Variants in GAPVD1 observed in about 807,000 individuals in gnomAD.
GAPVD1 encodes GTPase-activating protein and VPS9 domain-containing protein 1.
GAPVD1 carries 35 observed loss-of-function variants against 155.5 expected under a neutral mutation model. That is an observed-to-expected ratio of 0.23 (90% CI 0.17 to 0.30). The LOEUF (loss-of-function observed/expected upper bound fraction) is 0.30, where lower values mean the gene tolerates loss of function less well. Among genes scored for constraint, GAPVD1 ranks in the 10% least tolerant of loss-of-function variants. The probability of loss-of-function intolerance (pLI) is 1.00; values close to 1 mark genes in which losing one functional copy is unlikely to be tolerated. For missense variants in GAPVD1, 1,429 were observed against 1,775.7 expected (o/e 0.80, Z 3.51); for synonymous variants, 636 against 619.7 (o/e 1.03, Z -0.39).
At position 125,302,465 on chromosome 9, in the gene GAPVD1, T is replaced by C; in HGVS notation, c.668T>C (p.Ile223Thr). The change falls in exon 5 of 28, where the codon ATT becomes ACT. Residue 223 changes from isoleucine to threonine, a missense_variant. This residue lies in a region of GAPVD1 where 628 missense variants were observed against 733.4 expected (regional missense o/e 0.86). Transcript: ENST00000297933. The part of the protein sequence containing the change: ...DHLETDPNKL[I>T]ERFSPSQQEK... Reference sequence around the variant, plus strand: ...CTGGAAACAGATCCAAACAAGCTAATTGAGAGGTTCTCTCCATCTCAGCAG... The same window carrying C: ...CTGGAAACAGATCCAAACAAGCTAACTGAGAGGTTCTCTCCATCTCAGCAG... The C allele has an allele frequency of 1.2e-6, 2 of 1,613,756 alleles. No homozygotes were observed. Among genetic ancestry groups the C allele is most frequent in the Middle Eastern group, 1.6e-4 (1 of 6,062 alleles).
intron 11 of GAPVD1, among the ~76,000 whole-genome samples, chr9:125,325,380 G>A (rs773510930): frequency 2.1e-4 from 32 of 151,402 alleles, no homozygotes; most frequent in Non-Finnish European, 4.1e-4. Context: ...AAATTAGCTG[G>A]GCATGGTGGC....
chr9:125,313,460 C>T (rs370302), intron 9 of GAPVD1, among the ~76,000 whole-genome samples: 3 of 151,972 alleles, frequency 2.0e-5, no homozygotes, highest in African/African-American at 7.2e-5. Flanking sequence ...CCCGCCACCA[C>T]GCTCGGCTAA....
At chr9:125,323,995 T>G in intron 11 of GAPVD1, 72 bp downstream of exon 11, 1 of 1,392,040 alleles carries the variant, frequency 7.2e-7, no homozygotes, top group Non-Finnish European at 1.0e-6. Context: ...CAGTGTGTTT[T>G]CATTAAGTTG....
chr9:125,327,979 A>C (rs1845444078), intron 12 of GAPVD1, among the ~76,000 whole-genome samples: 1 of 151,862 alleles, frequency 6.6e-6, no homozygotes, highest in Non-Finnish European at 1.5e-5. Context: ...ACATTATTTT[A>C]TTTCTAATTA....
chr9:125,283,528 A>T (rs1837146735), intron 2 of GAPVD1, among the ~76,000 whole-genome samples: 1 of 151,570 alleles, frequency 6.6e-6, no homozygotes, highest in African/African-American at 2.4e-5. Flanking sequence ...CTGGCTATTT[A>T]TTATTATTAT....
chr9:125,277,444 T>C (rs1835967543), intron 2 of GAPVD1, among the ~76,000 whole-genome samples: 1 of 152,178 alleles, frequency 6.6e-6, no homozygotes, highest in South Asian at 2.1e-4. Context: ...CACAGGGCTC[T>C]AAAAACAGAA....
chr9:125,334,678 G>T lies in GAPVD1; in HGVS notation c.2428+2049G>T, dbSNP rs115086940. ...ACTTCGAGAGGCTGAGGCTGGAGGA[G>T]TCCTTGAGCCCAGGAGTTCGACATC... On this transcript the variant is annotated intron_variant, in intron 15 of 27. Coordinates refer to ENST00000297933, the MANE Select transcript of GAPVD1 (RefSeq NM_001282680.3). Among the ~76,000 whole-genome samples, 374 of 152,160 alleles carry T rather than the reference G, an allele frequency of 2.5e-3. 4 individuals are homozygous for T. Among genetic ancestry groups the T allele is most frequent in the African/African-American group, 8.0e-3 (330 of 41,496 alleles).
At position 125,302,823 on chromosome 9, in the gene GAPVD1, G is replaced by A. The variant is rs1347620539; in HGVS notation, c.1026G>A (p.Met342Ile). The A allele has an allele frequency of 1.9e-6, 3 of 1,590,328 alleles. No homozygotes were observed. Among genetic ancestry groups the A allele is most frequent in the South Asian group, 1.1e-5 (1 of 87,172 alleles). The change falls in exon 5 of 28, where the codon ATG (methionine) becomes ATA (isoleucine). Residue 342 changes from methionine to isoleucine, a missense_variant. Physicochemically the swap from Met to Ile is conservative, Grantham distance 10. Coordinates refer to ENST00000297933, the MANE Select transcript of GAPVD1 (RefSeq NM_001282680.3). ...ATGAAGTAGCACGATTTAATCTGATGCAGGTATGCTTTTGCTATTATTATT... is the reference window on the plus strand; with the variant it reads ...ATGAAGTAGCACGATTTAATCTGATACAGGTATGCTTTTGCTATTATTATT... ...PINEVARFNL[M>I]QVGRLLQQLA...
intron 4 of GAPVD1, among the ~76,000 whole-genome samples, chr9:125,300,825 C>G (rs965174946): frequency 6.6e-6 from 1 of 151,250 alleles, no homozygotes; most frequent in South Asian, 2.1e-4. Flanking sequence ...AAAAAAAGAA[C>G]AGTGCTGTTG....
chr9:125,362,809 G>T lies in GAPVD1; in HGVS notation c.*63G>T, dbSNP rs929066139. On this transcript the variant is annotated 3_prime_UTR_variant, in exon 28 of 28. Transcript: ENST00000297933. Reference sequence around the variant, plus strand: ...CAGACAAACAGATCTCTGAGAAGGTGCATCAGCTGCTTTGAAGGCTGAAGA... The same window carrying T: ...CAGACAAACAGATCTCTGAGAAGGTTCATCAGCTGCTTTGAAGGCTGAAGA... 1.2e-5 allele frequency: 17 copies of T among 1,471,578 alleles called. No homozygotes were observed. Among genetic ancestry groups the T allele is most frequent in the Non-Finnish European group, 1.5e-5 (16 of 1,068,536 alleles). The allele number at this position is 1,471,578 out of a possible 1,614,324, so 91.2% of individuals were successfully genotyped here.
chr9:125,315,212 A>G (rs1337100266), intron 9 of GAPVD1, among the ~76,000 whole-genome samples: 1 of 152,212 alleles, frequency 6.6e-6, no homozygotes, highest in Non-Finnish European at 1.5e-5. Flanking sequence ...GGACTATGAC[A>G]TGATACCCCA....
At chr9:125,306,512 CTT>C (rs549837560) in intron 6 of GAPVD1, among the ~76,000 whole-genome samples, 1 of 149,074 alleles carries the variant, frequency 6.7e-6, no homozygotes. Context: ...TTGTTATTTT[CTT>C]TTTTTTTTGA....
intron 2 of GAPVD1, among the ~76,000 whole-genome samples, chr9:125,293,852 T>TATATATATATA (rs1839177348): frequency 2.8e-5 from 1 of 35,198 alleles, no homozygotes; most frequent in Non-Finnish European, 4.4e-5. Flanking sequence ...AAAATATATT[T>TATATATATATA]TATATATATA....
chr9:125,313,439 G>C (rs138990673), intron 9 of GAPVD1, among the ~76,000 whole-genome samples: 2,851 of 151,678 alleles, frequency 0.019, 33 homozygotes, highest in Non-Finnish European at 0.026. Flanking sequence ...AAGTAGCTGG[G>C]ACTACAGGTG....
intron 4 of GAPVD1, among the ~76,000 whole-genome samples, chr9:125,300,841 A>C (rs1013372784): frequency 7.3e-5 from 11 of 151,494 alleles, no homozygotes; most frequent in Non-Finnish European, 1.6e-4. Context: ...TGTTGTGGGC[A>C]TTGTGGTTTT....
intron 1 of GAPVD1, among the ~76,000 whole-genome samples, chr9:125,266,559 T>C (rs201477935): frequency 6.6e-6 from 1 of 151,934 alleles, no homozygotes; most frequent in South Asian, 2.1e-4. Context: ...GTGATCCACC[T>C]GCCTCGGCCT....
intron 2 of GAPVD1, among the ~76,000 whole-genome samples, chr9:125,289,505 T>G (rs966861508): frequency 6.6e-6 from 1 of 152,124 alleles, no homozygotes; most frequent in Non-Finnish European, 1.5e-5. Context: ...GGTATAGGAT[T>G]TACGAGAAAG....
At chr9:125,282,947 A>G (rs1837019988) in intron 2 of GAPVD1, among the ~76,000 whole-genome samples, 1 of 151,924 alleles carries the variant, frequency 6.6e-6, no homozygotes, top group African/African-American at 2.4e-5. Flanking sequence ...TAACAACATT[A>G]TTTCTGAAAT....
rs147951911 is a variant in GAPVD1, at chr9:125,300,405, C to T, written c.185+1299C>T. Among the ~76,000 whole-genome samples, 1,178 of 151,798 alleles carry T rather than the reference C, an allele frequency of 7.8e-3. 8 individuals are homozygous for T. Among genetic ancestry groups the T allele is most frequent in the Non-Finnish European group, 0.01 (697 of 67,964 alleles). ...CCATGTTGGTCAGACTGGTCTTGAA[C>T]TTCTGACCTCGCAGTCTGCCCCCTC... On this transcript the variant is annotated intron_variant, in intron 4 of 27. Transcript: ENST00000297933.
Sources: allele counts gnomAD v4.1 joint callset (sites outside exome capture counted in the v4.1 genomes callset), GRCh38; gene constraint gnomAD v4.1.1; regional missense constraint gnomAD v4.1.1; transcripts MANE v1.5; gene names NCBI Gene and HGNC (gene_info 2026-07-23, HGNC 2026-07-21).